The following GBF1 variants were observed in gnomAD, a reference collection of about 807,000 sequenced individuals.
GBF1 encodes Golgi-specific brefeldin A-resistance guanine nucleotide exchange factor 1.
A neutral mutation model predicts 210.5 loss-of-function variants in GBF1; 114 were observed. The observed-to-expected ratio is 0.54, with a 90% confidence interval of 0.47 to 0.63. The LOEUF (loss-of-function observed/expected upper bound fraction) is 0.63. Among genes scored for constraint, GBF1 ranks in the 30% least tolerant of loss-of-function variants. The pLI, the probability that GBF1 is intolerant of heterozygous loss-of-function variation, is 0.00. For synonymous variants in GBF1, 850 were observed against 889.2 expected (o/e 0.96, Z 0.78); for missense variants, 1,851 against 2,357.7 (o/e 0.79, Z 4.45).
At chr10:102,257,994 C>T (rs757938658) in intron 1 of GBF1, among the ~76,000 whole-genome samples, 3 of 152,100 alleles carry the variant, frequency 2.0e-5, no homozygotes, top group Non-Finnish European at 4.4e-5. Flanking sequence ...ATTTGACATG[C>T]TTCCTGAGGA....
chr10:102,261,016 T>C (rs1214811333), intron 3 of GBF1, among the ~76,000 whole-genome samples: 1 of 152,184 alleles, frequency 6.6e-6, no homozygotes, highest in Non-Finnish European at 1.5e-5. Flanking sequence ...TGAACTTTTA[T>C]ACAACCCTGT....
At chr10:102,289,937 C>T (rs2076295001) in intron 3 of GBF1, among the ~76,000 whole-genome samples, 1 of 152,044 alleles carries the variant, frequency 6.6e-6, no homozygotes, top group South Asian at 2.1e-4. Context: ...TAGTGGGACC[C>T]CGTCTGTACA....
chr10:102,234,689 C>T, the GBF1 span, among the ~76,000 whole-genome samples: 1 of 152,104 alleles, frequency 6.6e-6, no homozygotes, highest in Admixed American at 6.5e-5. Flanking sequence ...CAAATCATCC[C>T]CCTGACTTTT....
In GBF1 at chr10:102,363,159, C is replaced by A; in HGVS notation, c.1877-97C>A. The A allele has an allele frequency of 8.6e-7, 1 of 1,160,220 alleles. No individual in the cohort carries two copies. The highest frequency in any genetic ancestry group is 1.2e-6 in the Non-Finnish European group (1 of 828,786). 71.9% of individuals were successfully genotyped at this position (1,160,220 alleles called of 1,614,324 possible). A position where few individuals can be genotyped will look rare whatever the true frequency, so the allele number is the denominator to read the frequency against. ...TCAGGGCTGGCGCCCTGTGCAGGAA[C>A]CATGCAGGTCTTCTGGGCTTGGGAT... On this transcript the variant is annotated intron_variant, in intron 15 of 39. Coordinates refer to ENST00000369983, the MANE Select transcript of GBF1 (RefSeq NM_001377137.1). This position sits in a 1 kb window ranked among gnomAD's most constrained non-coding sequence, Gnocchi z 4.2.
upstream of GBF1, among the ~76,000 whole-genome samples, chr10:102,243,020 C>T (rs544877543): frequency 6.6e-6 from 1 of 152,134 alleles, no homozygotes; most frequent in South Asian, 2.1e-4. Context: ...TCAGTGACTC[C>T]CATTGCCCTT....
At chr10:102,266,204 A>G (rs927236497) in intron 3 of GBF1, among the ~76,000 whole-genome samples, 1 of 151,808 alleles carries the variant, frequency 6.6e-6, no homozygotes, top group African/African-American at 2.4e-5. Context: ...GTGCCACTGC[A>G]CTCCAGCCTG....
chr10:102,318,745 A>G (rs886156250), intron 3 of GBF1, among the ~76,000 whole-genome samples: 7 of 152,122 alleles, frequency 4.6e-5, no homozygotes, highest in African/African-American at 1.4e-4. Flanking sequence ...CTATTTCTAA[A>G]TAATATGTTG....
intron 1 of GBF1, among the ~76,000 whole-genome samples, chr10:102,251,574 G>A (rs1344527438): frequency 6.6e-6 from 1 of 151,924 alleles, no homozygotes; most frequent in Non-Finnish European, 1.5e-5. Context: ...ATTTATTTGA[G>A]GCAGAGTCTC....
At chr10:102,333,002 C>T (rs1022120106) in intron 3 of GBF1, among the ~76,000 whole-genome samples, 2 of 152,182 alleles carry the variant, frequency 1.3e-5, no homozygotes, top group East Asian at 1.9e-4. Context: ...CATTCATGTG[C>T]ATTTACTTCC....
chr10:102,370,904 T>C, intron 29 of GBF1, 44 bp downstream of exon 29: 1 of 1,571,948 alleles, frequency 6.4e-7, no homozygotes, highest in Non-Finnish European at 8.7e-7. Context: ...ATGCAAGGGA[T>C]TAAGGCCACA....
At chr10:102,333,794 T>G (rs1219144739) in intron 3 of GBF1, among the ~76,000 whole-genome samples, 1 of 152,140 alleles carries the variant, frequency 6.6e-6, no homozygotes, top group Non-Finnish European at 1.5e-5. Flanking sequence ...GAGCTTACCA[T>G]ACATCAGACA....
the GBF1 span, among the ~76,000 whole-genome samples, chr10:102,233,302 TTC>T: frequency 2.1e-5 from 2 of 95,952 alleles, no homozygotes; most frequent in South Asian, 2.9e-4. Context: ...TTTTTTTTCC[TTC>T]TTTTTTTTTT....
chr10:102,329,977 G>T (rs993663959), intron 3 of GBF1, among the ~76,000 whole-genome samples: 1 of 152,186 alleles, frequency 6.6e-6, no homozygotes, highest in Non-Finnish European at 1.5e-5. Context: ...GGGCATGGTG[G>T]CACATGCCAG....
chr10:102,333,872 G>A (rs905014838), intron 3 of GBF1, among the ~76,000 whole-genome samples: 4 of 152,154 alleles, frequency 2.6e-5, no homozygotes, highest in African/African-American at 9.7e-5. Flanking sequence ...AGCATAGTCA[G>A]AAAAGTAGCA....
At chr10:102,377,201 GGCCAGGGAAA>G in intron 33 of GBF1, 61 bp downstream of exon 33, 2 of 1,441,830 alleles carry the variant, frequency 1.4e-6, no homozygotes, top group African/African-American at 2.8e-5. Flanking sequence ...AGCCTGGGGC[GGCCAGGGAAA>G]GCCAGGGCTG....
chr10:102,303,046 G>C (rs1217889105), intron 3 of GBF1, among the ~76,000 whole-genome samples: 2 of 146,766 alleles, frequency 1.4e-5, no homozygotes, highest in East Asian at 4.0e-4. Context: ...GGAGTGCAGT[G>C]GTACGATGTC....
chr10:102,230,909 A>G, the GBF1 span: 2 of 1,611,968 alleles, frequency 1.2e-6, no homozygotes, highest in Non-Finnish European at 1.7e-6. Context: ...TTGAAGGCGA[A>G]TGGAAAGGTC....
intron 4 of GBF1, among the ~76,000 whole-genome samples, chr10:102,345,682 A>G (rs552009240): frequency 6.7e-6 from 1 of 148,914 alleles, no homozygotes; most frequent in Non-Finnish European, 1.5e-5. Context: ...AGCAGATAGT[A>G]TTAACTTAAA....
At chr10:102,259,518 G>A (rs900603663) in intron 2 of GBF1, among the ~76,000 whole-genome samples, 1 of 152,026 alleles carries the variant, frequency 6.6e-6, no homozygotes, top group East Asian at 1.9e-4. Context: ...GGCTTTCTTT[G>A]CTATATATGT....
Sources: allele counts gnomAD v4.1 joint callset (sites outside exome capture counted in the v4.1 genomes callset), GRCh38; gene constraint gnomAD v4.1.1; non-coding constraint Gnocchi (gnomAD v3.1); transcripts MANE v1.5; gene names NCBI Gene and HGNC (gene_info 2026-07-23, HGNC 2026-07-21).